CCDC88C: variants seen among roughly 807,000 people sequenced by gnomAD.
CCDC88C encodes protein Daple.
A neutral mutation model predicts 198.8 loss-of-function variants in CCDC88C; 131 were observed. That is an observed-to-expected ratio of 0.66 (90% CI 0.57 to 0.76). The LOEUF (loss-of-function observed/expected upper bound fraction) is 0.76. Among genes scored for constraint, CCDC88C ranks in the 30% least tolerant of loss-of-function variants. The probability of loss-of-function intolerance (pLI) is 0.00; values close to 1 mark genes in which losing one functional copy is unlikely to be tolerated. For synonymous variants in CCDC88C, 1,166 were observed against 1,114.7 expected (o/e 1.05, Z -0.92); for missense variants, 2,553 against 2,631.6 (o/e 0.97, Z 0.65).
In CCDC88C at chr14:91,338,069, T is replaced by TCCAGCC. The variant is rs1893131440; in HGVS notation, c.980_985dup (p.Leu328_Glu329insGlyLeu). 1 of 1,613,556 alleles carries TCCAGCC rather than the reference T, an allele frequency of 6.2e-7. No homozygotes were observed. Among genetic ancestry groups the TCCAGCC allele is most frequent in the Non-Finnish European group, 8.5e-7 (1 of 1,179,886 alleles). ...CTCCTTGCAGCGGGTCAGCTCCAGC[T>TCCAGCC]CCAGCCTCTCCACGCGGTTCGCCTT... On this transcript the variant is annotated inframe_insertion, in exon 10 of 30. Transcript: ENST00000389857. The surrounding 1 kb of genome is among the most constrained non-coding windows in gnomAD (Gnocchi z 4.8).
At chr14:91,293,464 A>G (rs372307053) in intron 23 of CCDC88C, among the ~76,000 whole-genome samples, 60 of 38,360 alleles carry the variant, frequency 1.6e-3, no homozygotes, top group Admixed American at 2.4e-3. Flanking sequence ...CCACCTTCCC[A>G]TCCTCACCTG....
chr14:91,397,808 C>T (rs892370511), intron 3 of CCDC88C, among the ~76,000 whole-genome samples: 1 of 152,224 alleles, frequency 6.6e-6, no homozygotes, highest in Non-Finnish European at 1.5e-5. Flanking sequence ...CACCCCACTG[C>T]GGGTGCAGAT....
intron 20 of CCDC88C, among the ~76,000 whole-genome samples, chr14:91,302,988 TTAC>T (rs1891369483): frequency 1.3e-5 from 2 of 152,218 alleles, no homozygotes; most frequent in Non-Finnish European, 2.9e-5. Flanking sequence ...GGAGCCCCTC[TTAC>T]TACTGTCTTC....
chr14:91,273,661 G>A lies in CCDC88C; in HGVS notation c.5059-8C>T, dbSNP rs1889839864. ...CCGGCAACTGGGAGTGTCCTACGGA[G>A]AAGAGAGTGAAGGTTGGAGGTGGGC... On this transcript the variant is annotated splice_region_variant and splice_polypyrimidine_tract_variant and intron_variant, in intron 29 of 29. Coordinates refer to ENST00000389857, the MANE Select transcript of CCDC88C (RefSeq NM_001080414.4). The surrounding 1 kb of genome is among the most constrained non-coding windows in gnomAD (Gnocchi z 5.6). 1.4e-6 allele frequency: 2 copies of A among 1,453,632 alleles called. 1 individual carries two copies. Among genetic ancestry groups the A allele is most frequent in the Admixed American group, 5.2e-5 (2 of 38,784 alleles). 90.0% of individuals were successfully genotyped at this position (1,453,632 alleles called of 1,614,324 possible).
In CCDC88C at chr14:91,348,572, T is replaced by C. The variant is rs184142576; in HGVS notation, c.341-4915A>G. Among the ~76,000 whole-genome samples, 12 of 152,250 alleles carry C rather than the reference T, an allele frequency of 7.9e-5. No homozygotes were observed. In the East Asian group the frequency reaches 1.9e-3, roughly 25 times the overall value. On this transcript the variant is annotated intron_variant, in intron 4 of 29. Transcript: ENST00000389857. Reference sequence around the variant, plus strand: ...AAACGGTTCTACTCTCTCAGCACCCTGCAATCACACACAATGACAACCCTG... The same window carrying C: ...AAACGGTTCTACTCTCTCAGCACCCCGCAATCACACACAATGACAACCCTG...
At chr14:91,361,695 T>C (rs1383496577) in intron 3 of CCDC88C, among the ~76,000 whole-genome samples, 1 of 152,188 alleles carries the variant, frequency 6.6e-6, no homozygotes, top group African/African-American at 2.4e-5. Context: ...TCTGTACGTG[T>C]TGGACAATAG....
At chr14:91,289,891 G>A (rs1015339287) in intron 24 of CCDC88C, among the ~76,000 whole-genome samples, 2 of 152,090 alleles carry the variant, frequency 1.3e-5, no homozygotes, top group Non-Finnish European at 2.9e-5. Flanking sequence ...CTCTCACCCC[G>A]TCTCTGAAAC....
chr14:91,352,977 CG>C lies in CCDC88C; in HGVS notation c.340+6664del, dbSNP rs548591838. On this transcript the variant is annotated intron_variant, in intron 4 of 29. Transcript: ENST00000389857. The surrounding 1 kb of genome is among the most constrained non-coding windows in gnomAD (Gnocchi z 4.2). ...GCACACCCAGCCCTCACAAGTTCCC[CG>C]GGGCCCCCGAAGGAAGGCAGGGCTG... Among the ~76,000 whole-genome samples, 2 of 152,208 alleles carry C rather than the reference CG, an allele frequency of 1.3e-5. No individual in the cohort carries two copies. The highest frequency in any genetic ancestry group is 2.9e-5 in the Non-Finnish European group (2 of 68,034).
chr14:91,279,214 A>G (rs930653935), intron 28 of CCDC88C, 24 bp downstream of exon 28: 24 of 1,568,018 alleles, frequency 1.5e-5, no homozygotes, highest in Non-Finnish European at 2.0e-5. Context: ...AATTTTTAAA[A>G]GTACACAGAA....
chr14:91,324,296 C>T (rs1038393146), intron 12 of CCDC88C, among the ~76,000 whole-genome samples: 40 of 152,214 alleles, frequency 2.6e-4, no homozygotes, highest in African/African-American at 8.9e-4. Context: ...CCTGGGTCTC[C>T]GGGGCAGCAG....
chr14:91,379,632 C>A (rs1409312668), intron 3 of CCDC88C: 9 of 581,806 alleles, frequency 1.5e-5, no homozygotes, highest in Non-Finnish European at 2.1e-5. Context: ...GGGGTAGGAA[C>A]TCCGGCCTCA....
intron 25 of CCDC88C, chr14:91,285,750 G>A (rs139208804): frequency 8.9e-5 from 115 of 1,289,096 alleles, no homozygotes; most frequent in Non-Finnish European, 9.9e-5. Context: ...AACCGCAGGC[G>A]TTTAGAGAGA....
At chr14:91,337,553 C>T (rs1202499366) in intron 10 of CCDC88C, among the ~76,000 whole-genome samples, 1 of 152,218 alleles carries the variant, frequency 6.6e-6, no homozygotes, top group Non-Finnish European at 1.5e-5. Context: ...GTTGCCCAGG[C>T]TGATCTCAAA....
intron 4 of CCDC88C, among the ~76,000 whole-genome samples, chr14:91,358,129 C>T (rs766390930): frequency 2.0e-5 from 3 of 152,192 alleles, no homozygotes; most frequent in Non-Finnish European, 2.9e-5. Context: ...ACAAGGAAGC[C>T]GCTGCTGATG....
chr14:91,412,724 C>T (rs937260978), intron 2 of CCDC88C, among the ~76,000 whole-genome samples: 4 of 152,140 alleles, frequency 2.6e-5, no homozygotes, highest in African/African-American at 9.7e-5. Flanking sequence ...CGTGAGCCAC[C>T]GTGCCCAGCC....
At chr14:91,389,578 C>T (rs929022862) in intron 3 of CCDC88C, among the ~76,000 whole-genome samples, 1 of 152,038 alleles carries the variant, frequency 6.6e-6, no homozygotes, top group Non-Finnish European at 1.5e-5. Context: ...TATGCTGACT[C>T]CAAGTGAAAA....
chr14:91,326,112 G>A (rs1892574050), intron 10 of CCDC88C, 56 bp from the exon 11 acceptor site: 1 of 1,523,594 alleles, frequency 6.6e-7, no homozygotes, highest in African/African-American at 1.4e-5. Context: ...GGGTCATTAG[G>A]ATGGAATTCT....
chr14:91,384,584 GAAA>G, intron 3 of CCDC88C: 1 of 450,884 alleles, frequency 2.2e-6, no homozygotes, highest in Non-Finnish European at 4.5e-6. Context: ...TTCTCAGGTG[GAAA>G]AACTATGACC....
intron 3 of CCDC88C, among the ~76,000 whole-genome samples, chr14:91,402,912 C>A (rs543825504): frequency 1.3e-5 from 2 of 152,200 alleles, no homozygotes; most frequent in Non-Finnish European, 2.9e-5. Flanking sequence ...AGATAAGGAA[C>A]CTTCTGGCCT....
Sources: allele counts gnomAD v4.1 joint callset (sites outside exome capture counted in the v4.1 genomes callset), GRCh38; gene constraint gnomAD v4.1.1; non-coding constraint Gnocchi (gnomAD v3.1); transcripts MANE v1.5; gene names NCBI Gene and HGNC (gene_info 2026-07-23, HGNC 2026-07-21).